The following CFAP299 variants were observed in gnomAD, a reference collection of about 807,000 sequenced individuals.
CFAP299 encodes cilia- and flagella-associated protein 299.
In CFAP299, 21 loss-of-function variants were observed where a neutral mutation model predicts 27.0. The observed-to-expected ratio is 0.78, with a 90% CI of 0.55 to 1.12. The LOEUF is 1.12. Among genes scored for constraint, CFAP299 ranks in the 50% most tolerant of loss-of-function variants. CFAP299 has a pLI of 0.00. For missense variants in CFAP299, 310 were observed against 276.6 expected (o/e 1.12, Z -0.86); for synonymous variants, 104 against 98.1 (o/e 1.06, Z -0.36).
chr4:80,561,425 C>G (rs1286741999), intron 2 of CFAP299, among the ~76,000 whole-genome samples: 3 of 152,072 alleles, frequency 2.0e-5, no homozygotes, highest in Non-Finnish European at 4.4e-5. Flanking sequence ...CATTTATTAG[C>G]ATCAGTGCTA....
intron 2 of CFAP299, among the ~76,000 whole-genome samples, chr4:80,504,460 C>CACAT (rs1350407118): frequency 4.5e-5 from 2 of 44,320 alleles, no homozygotes; most frequent in Admixed American, 3.7e-4. Context: ...CTTAAAATCT[C>CACAT]ACATATATAT....
chr4:80,626,792 A>C (rs1738932216), intron 3 of CFAP299, among the ~76,000 whole-genome samples: 1 of 151,808 alleles, frequency 6.6e-6, no homozygotes, highest in Admixed American at 6.6e-5. Context: ...TGCTTTTATT[A>C]TGAAGACATA....
chr4:80,732,625 A>G (rs973683208), intron 3 of CFAP299, among the ~76,000 whole-genome samples: 6 of 151,904 alleles, frequency 3.9e-5, no homozygotes, highest in Non-Finnish European at 8.8e-5. Flanking sequence ...TCTCTCTTCA[A>G]GATCAGTTAT....
chr4:80,490,467 T>A (rs1380001119), intron 2 of CFAP299, among the ~76,000 whole-genome samples: 1 of 152,238 alleles, frequency 6.6e-6, no homozygotes, highest in Non-Finnish European at 1.5e-5. Context: ...TCCCATAGAA[T>A]ATGAGATCTG....
chr4:80,845,271 C>T (rs1330515821), intron 3 of CFAP299, among the ~76,000 whole-genome samples: 1 of 141,170 alleles, frequency 7.1e-6, no homozygotes, highest in African/African-American at 2.9e-5. Flanking sequence ...CTGCTCAAGT[C>T]CCACACTGTT....
At chr4:80,821,563 A>G (rs1214260510) in intron 3 of CFAP299, among the ~76,000 whole-genome samples, 1 of 152,128 alleles carries the variant, frequency 6.6e-6, no homozygotes, top group Non-Finnish European at 1.5e-5. Flanking sequence ...AATCTCACAC[A>G]GCCTCTCCAT....
intron 2 of CFAP299, among the ~76,000 whole-genome samples, chr4:80,572,315 C>T (rs915689754): frequency 1.3e-5 from 2 of 151,810 alleles, no homozygotes; most frequent in Admixed American, 6.6e-5. Flanking sequence ...TCTCATTTCC[C>T]CAGCCCAGCT....
chr4:80,878,392 A>G (rs1445148331), intron 4 of CFAP299, among the ~76,000 whole-genome samples: 1 of 152,122 alleles, frequency 6.6e-6, no homozygotes, highest in Non-Finnish European at 1.5e-5. Context: ...TTTGTTCAGT[A>G]TAAATATTTC....
At chr4:80,745,075 T>C (rs1724506592) in intron 3 of CFAP299, among the ~76,000 whole-genome samples, 1 of 152,140 alleles carries the variant, frequency 6.6e-6, no homozygotes. Context: ...GAAAAGAAAA[T>C]TGATGTTTCA....
chr4:80,692,939 T>C (rs1159799929), intron 3 of CFAP299, among the ~76,000 whole-genome samples: 1 of 151,986 alleles, frequency 6.6e-6, no homozygotes, highest in Non-Finnish European at 1.5e-5. Context: ...AAAAAACACA[T>C]GAAAAAATGC....
At chr4:80,500,504 A>T (rs28450953) in intron 2 of CFAP299, among the ~76,000 whole-genome samples, 7,599 of 152,236 alleles carry the variant, frequency 0.05, 272 homozygotes, top group Middle Eastern at 0.099. Context: ...GCTATACCAA[A>T]CTATCAAATT....
chr4:80,719,450 C>T (rs1408840443), intron 3 of CFAP299, among the ~76,000 whole-genome samples: 1 of 152,120 alleles, frequency 6.6e-6, no homozygotes, highest in Non-Finnish European at 1.5e-5. Context: ...AACTGTTTCC[C>T]AAATGACTGT....
At chr4:80,449,243 A>G (rs1458847109) in intron 2 of CFAP299, among the ~76,000 whole-genome samples, 1 of 152,164 alleles carries the variant, frequency 6.6e-6, no homozygotes, top group Admixed American at 6.5e-5. Flanking sequence ...GTGGATAGAG[A>G]TGAAATATTA....
intron 3 of CFAP299, among the ~76,000 whole-genome samples, chr4:80,664,917 T>G (rs2109986000): frequency 6.6e-6 from 1 of 152,258 alleles, no homozygotes; most frequent in South Asian, 2.1e-4. Flanking sequence ...AAAGCGTAGT[T>G]TCTGGGCCAG....
At chr4:80,638,764 C>T (rs1739579832) in intron 3 of CFAP299, among the ~76,000 whole-genome samples, 1 of 152,176 alleles carries the variant, frequency 6.6e-6, no homozygotes, top group Admixed American at 6.6e-5. Context: ...TGGGTGCCTG[C>T]AGTCACTCTT....
At chr4:80,387,843 A>G in intron 2 of CFAP299, 2 of 1,399,520 alleles carry the variant, frequency 1.4e-6, no homozygotes, top group Non-Finnish European at 2.0e-6. Flanking sequence ...GTCCCCTGGT[A>G]CCTTTAGCCC....
Position 80,502,198 on chromosome 4 carries a change from A to G in CFAP299, c.243-80895A>G, listed in dbSNP as rs186177028. Among the ~76,000 whole-genome samples the G allele has an allele frequency of 2.1e-3, 324 of 152,214 alleles. 2 individuals are homozygous for G. Among genetic ancestry groups the G allele is most frequent in the African/African-American group, 7.2e-3 (299 of 41,554 alleles). On this transcript the variant is annotated intron_variant, in intron 2 of 5. Transcript: ENST00000358105. Reference sequence around the variant, plus strand: ...ATTGTTTTGAGATTTTGCAGGTATCAGTTTAGCAGATGATTTCTTAAATAA... The same window carrying G: ...ATTGTTTTGAGATTTTGCAGGTATCGGTTTAGCAGATGATTTCTTAAATAA...
intron 3 of CFAP299, among the ~76,000 whole-genome samples, chr4:80,799,265 A>G (rs1728086024): frequency 8.9e-6 from 1 of 112,624 alleles, no homozygotes; most frequent in African/African-American, 3.6e-5. Flanking sequence ...ATATATTTAT[A>G]TAATATTTAT....
intron 4 of CFAP299, among the ~76,000 whole-genome samples, chr4:80,885,928 C>T (rs1003746044): frequency 1.3e-5 from 2 of 152,186 alleles, no homozygotes; most frequent in Non-Finnish European, 2.9e-5. Context: ...GGCCTATCCT[C>T]TTGGACAGCA....
Sources: allele counts gnomAD v4.1 joint callset (sites outside exome capture counted in the v4.1 genomes callset), GRCh38; gene constraint gnomAD v4.1.1; transcripts MANE v1.5; gene names NCBI Gene and HGNC (gene_info 2026-07-23, HGNC 2026-07-21).